Variants in AKAP13 observed in about 807,000 individuals in gnomAD.
AKAP13 encodes the protein A-kinase anchoring protein 13.
A neutral mutation model predicts 264.5 loss-of-function variants in AKAP13; 80 were observed. The ratio of observed to expected loss-of-function variants is 0.30; its 90% CI spans 0.25 to 0.36. The LOEUF (loss-of-function observed/expected upper bound fraction) is 0.36, where lower values mean the gene tolerates loss of function less well. Among genes scored for constraint, AKAP13 ranks in the 10% least tolerant of loss-of-function variants. The probability of loss-of-function intolerance (pLI) is 1.00; values close to 1 mark genes in which losing one functional copy is unlikely to be tolerated. For synonymous variants in AKAP13, 1,380 were observed against 1,250.2 expected (o/e 1.10, Z -2.19); for missense variants, 3,712 against 3,435.2 (o/e 1.08, Z -2.01).
At chr15:85,500,403 A>T (rs2151090377) in intron 2 of AKAP13, among the ~76,000 whole-genome samples, 1 of 152,310 alleles carries the variant, frequency 6.6e-6, no homozygotes, top group Middle Eastern at 3.4e-3. Context: ...TATATTTTAA[A>T]GTTCTAGTAT....
intron 8 of AKAP13, among the ~76,000 whole-genome samples, chr15:85,611,966 T>G (rs1356444050): frequency 6.6e-6 from 1 of 152,224 alleles, no homozygotes. Context: ...TAAGGGCCAG[T>G]CTCAAACATG....
chr15:85,471,809 A>C (rs994785290), intron 1 of AKAP13, among the ~76,000 whole-genome samples: 1 of 152,068 alleles, frequency 6.6e-6, no homozygotes, highest in African/African-American at 2.4e-5. Context: ...AGCTCTGTTT[A>C]TTTTTTCAAA....
intron 17 of AKAP13, among the ~76,000 whole-genome samples, chr15:85,699,859 G>C (rs1387449287): frequency 6.6e-6 from 1 of 152,162 alleles, no homozygotes; most frequent in Non-Finnish European, 1.5e-5. Flanking sequence ...TCTCAGTTCT[G>C]GATTGTGATG....
chr15:85,557,842 A>G (rs2078207648), intron 5 of AKAP13, among the ~76,000 whole-genome samples: 1 of 152,240 alleles, frequency 6.6e-6, no homozygotes, highest in African/African-American at 2.4e-5. Context: ...AATAGCAATA[A>G]CAACAATAAT....
chr15:85,399,540 AAAT>A (rs2071321280), intron 1 of AKAP13, among the ~76,000 whole-genome samples: 1 of 111,532 alleles, frequency 9.0e-6, no homozygotes, highest in African/African-American at 3.2e-5. Flanking sequence ...ATAAAAAAAT[AAAT>A]AAATAAATAA....
rs548076223 is a variant in AKAP13 at position 85,390,317 on chromosome 15, G to A, written c.-12+9519G>A. Among the ~76,000 whole-genome samples, 6 of 152,292 alleles carry A rather than the reference G, an allele frequency of 3.9e-5. No homozygotes were observed. The South Asian group carries it at 1.0e-3, about 26-fold the overall frequency. On this transcript the variant is annotated intron_variant, in intron 1 of 36. Transcript: ENST00000394518. ...AGCAGAGATTGGGGAGGTCAGACAA[G>A]GCCTTACTGAGGAGGTGAGATTTGA...
Position 85,507,964 on chromosome 15 carries a change from C to G in AKAP13, c.34-13464C>G, listed in dbSNP as rs181560221. 1.8e-4 allele frequency among the ~76,000 whole-genome samples: 27 copies of G among 152,288 alleles called. No individual in the cohort carries two copies. In the East Asian group the frequency reaches 4.6e-3, roughly 26 times the overall value. On this transcript the variant is annotated intron_variant, in intron 2 of 36. Coordinates refer to ENST00000394518, the MANE Select transcript of AKAP13 (RefSeq NM_007200.5). ...CATGGATCCTGGCAAGGATATATTC[C>G]TAAACTGTCCTTGATGGTGTAGGTC...
In AKAP13 at chr15:85,625,662, G is replaced by A. The variant is rs183739116; in HGVS notation, c.4162-13712G>A. 8.9e-3 allele frequency among the ~76,000 whole-genome samples: 1,351 copies of A among 152,260 alleles called. 18 individuals carry two copies. The highest frequency in any genetic ancestry group is 0.031 in the African/African-American group (1,297 of 41,558). On this transcript the variant is annotated intron_variant, in intron 8 of 36. Transcript: ENST00000394518. ...GGATCACTTGAGGCCAGGAGTTCAA[G>A]ACCAGCCTGAGCATCCTAGCAAGAC... is the stretch of plus-strand genomic sequence containing the variant.
chr15:85,459,442 G>A lies in AKAP13; in HGVS notation c.-11-26268G>A, dbSNP rs192472604. ...TTGAATGCCTCACCTCAAGTGATCT[G>A]CCCGCCTTGGCCTCCCAAAGTGATA... is the stretch of plus-strand genomic sequence containing the variant. On this transcript the variant is annotated intron_variant, in intron 1 of 36. Coordinates refer to ENST00000394518, the MANE Select transcript of AKAP13 (RefSeq NM_007200.5). Among the ~76,000 whole-genome samples, 291 of 144,826 alleles carry A rather than the reference G, an allele frequency of 2.0e-3. 4 individuals carry two copies. The highest frequency in any genetic ancestry group is 7.1e-3 in the African/African-American group (275 of 38,990).
intron 1 of AKAP13, among the ~76,000 whole-genome samples, chr15:85,474,199 C>T (rs371016880): frequency 6.6e-6 from 1 of 152,338 alleles, no homozygotes; most frequent in African/African-American, 2.4e-5. Flanking sequence ...AACATGTTCT[C>T]AGCTCTTCCT....
intron 18 of AKAP13, among the ~76,000 whole-genome samples, chr15:85,709,653 AG>A (rs2086515727): frequency 7.7e-6 from 1 of 129,956 alleles, no homozygotes; most frequent in South Asian, 2.7e-4. Flanking sequence ...ATAACCTAAA[AG>A]GGGGAATTTT....
At chr15:85,728,222 A>G (rs1420100873) in intron 29 of AKAP13, among the ~76,000 whole-genome samples, 1 of 152,220 alleles carries the variant, frequency 6.6e-6, no homozygotes, top group East Asian at 1.9e-4. Flanking sequence ...GGCTTATCGA[A>G]TGTTTCAAAG....
At chr15:85,405,605 T>TTACAGAAATATGAGA (rs1428701094) in intron 1 of AKAP13, among the ~76,000 whole-genome samples, 1 of 152,194 alleles carries the variant, frequency 6.6e-6, no homozygotes, top group East Asian at 1.9e-4. Context: ...TGTGTTTTAG[T>TTACAGAAATATGAGA]TACAGAAATA....
chr15:85,458,850 G>A (rs1378662980), intron 1 of AKAP13, among the ~76,000 whole-genome samples: 1 of 152,120 alleles, frequency 6.6e-6, no homozygotes, highest in African/African-American at 2.4e-5. Context: ...TGTGTTGCTG[G>A]AATAGTCTCC....
intron 14 of AKAP13, among the ~76,000 whole-genome samples, chr15:85,678,182 T>C (rs970989883): frequency 6.6e-6 from 1 of 152,230 alleles, no homozygotes; most frequent in African/African-American, 2.4e-5. Context: ...TTGCTTTTAA[T>C]GGAGAAACCA....
Position 85,383,464 on chromosome 15 carries a change from G to A in AKAP13, c.-12+2666G>A, listed in dbSNP as rs1377662998. On this transcript the variant is annotated intron_variant, in intron 1 of 36. Coordinates refer to ENST00000394518, the MANE Select transcript of AKAP13 (RefSeq NM_007200.5). The stretch of plus-strand genomic sequence containing the variant: ...TGGAGTAGGCAGCTATTACCTAGTA[G>A]CTGTAATGATAATAATTTTGGTACA... Among the ~76,000 whole-genome samples, 8 of 152,170 alleles carry A rather than the reference G, an allele frequency of 5.3e-5. No homozygotes were observed. The East Asian group carries it at 7.7e-4, about 15-fold the overall frequency.
intron 30 of AKAP13, among the ~76,000 whole-genome samples, chr15:85,731,486 C>T (rs2088025841): frequency 6.6e-6 from 1 of 152,004 alleles, no homozygotes; most frequent in Admixed American, 6.6e-5. Context: ...TAGAGAGTTT[C>T]CCACAGTTTG....
At chr15:85,741,719 AAC>A (rs2088993726) in intron 35 of AKAP13, among the ~76,000 whole-genome samples, 1 of 86,968 alleles carries the variant, frequency 1.1e-5, no homozygotes, top group African/African-American at 4.7e-5. Flanking sequence ...AAAAAAAACA[AAC>A]AAACAAACAA....
intron 1 of AKAP13, among the ~76,000 whole-genome samples, chr15:85,480,091 T>TA (rs2075303348): frequency 6.6e-6 from 1 of 152,222 alleles, no homozygotes; most frequent in African/African-American, 2.4e-5. Context: ...TTTGAATAGT[T>TA]ACAATTAAGA....
Sources: allele counts gnomAD v4.1 joint callset (sites outside exome capture counted in the v4.1 genomes callset), GRCh38; gene constraint gnomAD v4.1.1; transcripts MANE v1.5; gene names NCBI Gene and HGNC (gene_info 2026-07-23, HGNC 2026-07-21).